Variants in LRRTM4 observed in about 807,000 individuals in gnomAD.
LRRTM4 encodes leucine rich repeat transmembrane neuronal 4.
Under a neutral mutation model 47.6 loss-of-function variants are expected in LRRTM4, and 25 were observed. The observed-to-expected ratio is 0.53, with a 90% CI of 0.38 to 0.73. The LOEUF (loss-of-function observed/expected upper bound fraction) is 0.73, where lower values mean the gene tolerates loss of function less well. Ranked by LOEUF, LRRTM4 falls within the 30% of genes least tolerant of loss-of-function variation. The pLI is 0.00. For missense variants in LRRTM4, 638 were observed against 713.4 expected (o/e 0.89, Z 1.20); for synonymous variants, 311 against 269.5 (o/e 1.15, Z -1.51).
At chr2:76,860,967 G>T (rs1174717348) in intron 3 of LRRTM4, among the ~76,000 whole-genome samples, 1 of 151,978 alleles carries the variant, frequency 6.6e-6, no homozygotes. Flanking sequence ...ATATATAAAA[G>T]AAAAACAAAA....
chr2:77,249,681 A>T (rs752316785), intron 3 of LRRTM4, among the ~76,000 whole-genome samples: 1 of 152,218 alleles, frequency 6.6e-6, no homozygotes, highest in African/African-American at 2.4e-5. Context: ...TGCTGGCAGG[A>T]ATGTGGTGGA....
At chr2:76,845,920 C>A (rs1006135400) in intron 3 of LRRTM4, among the ~76,000 whole-genome samples, 1 of 152,068 alleles carries the variant, frequency 6.6e-6, no homozygotes, top group African/African-American at 2.4e-5. Flanking sequence ...ACAGGGAATA[C>A]AGTTGATCTT....
chr2:76,823,756 C>G (rs1337708703), intron 3 of LRRTM4, among the ~76,000 whole-genome samples: 1 of 150,914 alleles, frequency 6.6e-6, no homozygotes, highest in Non-Finnish European at 1.5e-5. Context: ...CACATTAAGT[C>G]TTCTAGATAT....
chr2:77,243,281 A>C (rs1435926320), intron 3 of LRRTM4, among the ~76,000 whole-genome samples: 1 of 151,870 alleles, frequency 6.6e-6, no homozygotes, highest in Non-Finnish European at 1.5e-5. Flanking sequence ...GTGGTGGTGC[A>C]TGCCTGTAAT....
chr2:76,848,485 T>G (rs1047437327), intron 3 of LRRTM4, among the ~76,000 whole-genome samples: 12 of 152,146 alleles, frequency 7.9e-5, no homozygotes, highest in African/African-American at 2.9e-4. Flanking sequence ...TATTTTGACA[T>G]TTTTCAAATT....
intron 3 of LRRTM4, among the ~76,000 whole-genome samples, chr2:77,349,101 G>GA (rs1379104272): frequency 6.6e-6 from 1 of 151,678 alleles, no homozygotes; most frequent in Non-Finnish European, 1.5e-5. Context: ...AGGACATAGT[G>GA]AATGCAATAA....
chr2:77,285,333 A>T (rs1245848406), intron 3 of LRRTM4, among the ~76,000 whole-genome samples: 6 of 16,902 alleles, frequency 3.5e-4, no homozygotes, highest in Non-Finnish European at 6.6e-4. Flanking sequence ...TCTACTCAGC[A>T]TTAAATTTAT....
chr2:76,774,364 G>C (rs2860867), intron 3 of LRRTM4, among the ~76,000 whole-genome samples: 1 of 151,604 alleles, frequency 6.6e-6, no homozygotes, highest in Non-Finnish European at 1.5e-5. Flanking sequence ...GATAATTTTT[G>C]TATTTTTAGT....
At chr2:76,778,793 C>G (rs1327804600) in intron 3 of LRRTM4, among the ~76,000 whole-genome samples, 3 of 150,384 alleles carry the variant, frequency 2.0e-5, no homozygotes, top group Non-Finnish European at 4.4e-5. Flanking sequence ...TATTTCTTGC[C>G]TTCTGCTAGC....
At chr2:76,789,977 T>G (rs910476999) in intron 3 of LRRTM4, among the ~76,000 whole-genome samples, 2 of 152,176 alleles carry the variant, frequency 1.3e-5, no homozygotes, top group African/African-American at 4.8e-5. Context: ...TTGGATGAGT[T>G]GCCTGAGGTG....
chr2:76,921,873 A>G lies in LRRTM4; in HGVS notation c.1552-172957T>C, dbSNP rs79928444. 5.3e-3 allele frequency among the ~76,000 whole-genome samples: 812 copies of G among 152,250 alleles called. 4 individuals carry two copies. The highest frequency in any genetic ancestry group is 0.019 in the African/African-American group (779 of 41,558). On this transcript the variant is annotated intron_variant, in intron 3 of 3. Transcript: ENST00000409884. ...CCTGAGTCCTTTTATTTAGAATGGC[A>G]TAAGAAATTAAGATCTGGGGTTCTG...
intron 3 of LRRTM4, among the ~76,000 whole-genome samples, chr2:77,222,584 C>T (rs374347361): frequency 3.3e-5 from 5 of 152,260 alleles, no homozygotes; most frequent in East Asian, 1.9e-4. Flanking sequence ...AACACCTCTA[C>T]AGGAATAAAG....
At chr2:76,801,612 T>G (rs1675688188) in intron 3 of LRRTM4, among the ~76,000 whole-genome samples, 1 of 151,826 alleles carries the variant, frequency 6.6e-6, no homozygotes. Flanking sequence ...CATATATACA[T>G]ATGTGACTAA....
chr2:77,522,342 C>T lies in LRRTM4; in HGVS notation c.-381G>A. On this transcript the variant is annotated 5_prime_UTR_variant, in exon 1 of 4. Coordinates refer to ENST00000409884, the MANE Select transcript of LRRTM4 (RefSeq NM_001134745.3). Reference sequence around the variant, plus strand: ...TTCCAGAGACTGATGATGCTCAGAGCTTGTTGGTGCTAATGCTTGAGTTTG... The same window carrying T: ...TTCCAGAGACTGATGATGCTCAGAGTTTGTTGGTGCTAATGCTTGAGTTTG... 1 of 473,738 alleles carries T rather than the reference C, an allele frequency of 2.1e-6. No individual in the cohort carries two copies. The highest frequency in any genetic ancestry group is 3.9e-5 in the Admixed American group (1 of 25,936). The allele number at this position is 473,738 out of a possible 1,614,324, so 29.3% of individuals were successfully genotyped here.
chr2:76,797,321 A>T (rs983238922), intron 3 of LRRTM4, among the ~76,000 whole-genome samples: 1 of 152,092 alleles, frequency 6.6e-6, no homozygotes, highest in Non-Finnish European at 1.5e-5. Context: ...CAACATTCTT[A>T]AAGAAAAGAA....
chr2:77,198,609 C>A (rs1673891577), intron 3 of LRRTM4, among the ~76,000 whole-genome samples: 1 of 152,028 alleles, frequency 6.6e-6, no homozygotes, highest in Non-Finnish European at 1.5e-5. Flanking sequence ...CATGAAAAAC[C>A]TAGATATATT....
chr2:77,464,054 G>C (rs990496887), intron 3 of LRRTM4, among the ~76,000 whole-genome samples: 2 of 152,122 alleles, frequency 1.3e-5, no homozygotes, highest in Non-Finnish European at 2.9e-5. Context: ...GCCAGAATTG[G>C]AACTGGGCTT....
intron 3 of LRRTM4, among the ~76,000 whole-genome samples, chr2:76,905,830 G>T (rs541369696): frequency 6.6e-6 from 1 of 152,170 alleles, no homozygotes; most frequent in Non-Finnish European, 1.5e-5. Context: ...AAGCCTCCAA[G>T]AAATATGGGA....
chr2:77,221,737 A>G (rs1674638986), intron 3 of LRRTM4, among the ~76,000 whole-genome samples: 1 of 152,102 alleles, frequency 6.6e-6, no homozygotes, highest in African/African-American at 2.4e-5. Flanking sequence ...AGAGACTTAG[A>G]CTCCCACACA....
Sources: allele counts gnomAD v4.1 joint callset (sites outside exome capture counted in the v4.1 genomes callset), GRCh38; gene constraint gnomAD v4.1.1; transcripts MANE v1.5; gene names NCBI Gene and HGNC (gene_info 2026-07-23, HGNC 2026-07-21).